Variants in CCDC80 observed in about 807,000 individuals in gnomAD.
CCDC80 encodes the protein coiled-coil domain-containing protein 80.
CCDC80 carries 49 observed loss-of-function variants against 78.7 expected under a neutral mutation model. The observed-to-expected ratio is 0.62, with a 90% confidence interval of 0.50 to 0.79. The LOEUF (loss-of-function observed/expected upper bound fraction) is 0.79. Ranked by LOEUF, CCDC80 falls within the 30% of genes least tolerant of loss-of-function variation. CCDC80 has a pLI of 0.00. For synonymous variants in CCDC80, 488 were observed against 447.0 expected (o/e 1.09, Z -1.16); for missense variants, 1,205 against 1,198.6 (o/e 1.01, Z -0.08).
chr3:112,616,886 A>C (rs763767083), intron 4 of CCDC80, 28 bp from the exon 5 acceptor site: 1 of 1,606,146 alleles, frequency 6.2e-7, no homozygotes, highest in South Asian at 1.1e-5. Flanking sequence ...GAATGCATTT[A>C]ATGTACAAGT....
Position 112,639,011 on chromosome 3 carries a change from C to A in CCDC80, c.895G>T (p.Gly299Trp). 25 of 1,611,284 alleles carry A rather than the reference C, an allele frequency of 1.6e-5. No homozygotes were observed. Among genetic ancestry groups the A allele is most frequent in the Non-Finnish European group, 2.0e-5 (24 of 1,179,992 alleles). Residue 299 changes from glycine to tryptophan, a missense_variant, in exon 2 of 8, where the codon GGG (glycine) becomes TGG (tryptophan). Coordinates refer to ENST00000206423, the MANE Select transcript of CCDC80 (RefSeq NM_199511.3). ...QVVAEGNDGG[G>W]GAGRPSLGSE... ...CCCAGGCTTGGCCTTCCTGCTCCCC[C>A]TCCACCGTCATTCCCCTCCGCCACC... is the stretch of plus-strand genomic sequence containing the variant.
rs1935780902 is a variant in CCDC80, at chr3:112,617,720, T to C, written c.2173-862A>G. Among the ~76,000 whole-genome samples, 5 of 152,268 alleles carry C rather than the reference T, an allele frequency of 3.3e-5. 1 individual carries two copies. The South Asian group carries it at 1.0e-3, about 31-fold the overall frequency. ...AGACAGCCTTTTTTTCCCGTGAAGA[T>C]TCTCACACAAGCATGGTATATGAAT... On this transcript the variant is annotated intron_variant, in intron 4 of 7. Coordinates refer to ENST00000206423, the MANE Select transcript of CCDC80 (RefSeq NM_199511.3).
intron 3 of CCDC80, among the ~76,000 whole-genome samples, chr3:112,622,822 A>ATTT (rs373170477): frequency 0.025 from 2,924 of 118,424 alleles, 113 homozygotes; most frequent in African/African-American, 0.087. Flanking sequence ...TGCCCAGCTA[A>ATTT]TTTTTTTTTT....
In CCDC80 at chr3:112,604,748, T is replaced by G. The variant is rs563579341; in HGVS notation, c.*669A>C. ...TATCGCCTTTGGCTGCAGTGCCAGA[T>G]TCTGGTGAGGATTTCCTGGACCCCG... On this transcript the variant is annotated 3_prime_UTR_variant, in exon 8 of 8. Coordinates refer to ENST00000206423, the MANE Select transcript of CCDC80 (RefSeq NM_199511.3). 2.6e-5 allele frequency: 4 copies of G among 152,328 alleles called. No homozygotes were observed. Among genetic ancestry groups the G allele is most frequent in the Admixed American group, 6.5e-5 (1 of 15,300 alleles). The allele number at this position is 152,328 out of a possible 1,614,324, so 9.4% of individuals were successfully genotyped here. A position where few individuals can be genotyped will look rare whatever the true frequency, so the allele number is the denominator to read the frequency against.
chr3:112,638,241 C>A lies in CCDC80; in HGVS notation c.1665G>T (p.Lys555Asn). 1 of 1,613,606 alleles carries A rather than the reference C, an allele frequency of 6.2e-7. No individual in the cohort carries two copies. The highest frequency in any genetic ancestry group is 8.5e-7 in the Non-Finnish European group (1 of 1,179,638). ...KPEKEKKKKM[K>N]NENADKLLKS... is the part of the protein sequence containing the mutation. ...TAAGTAACTTGTCTGCGTTCTCATT[C>A]TTCATCTTTTTTTTCTTCTCCTTCT... The change falls in exon 2 of 8, where the codon AAG becomes AAT. Residue 555 changes from lysine (K) to asparagine (N), a missense_variant. By Grantham distance (94) the Lys-to-Asn change is moderately conservative (BLOSUM62 0). Coordinates refer to ENST00000206423, the MANE Select transcript of CCDC80 (RefSeq NM_199511.3).
intron 5 of CCDC80, among the ~76,000 whole-genome samples, chr3:112,614,883 T>C (rs1030333625): frequency 2.0e-5 from 3 of 152,238 alleles, no homozygotes; most frequent in Admixed American, 1.3e-4. Context: ...TTAATCTCCA[T>C]TGGCTTCAGT....
rs745336442 is a variant in CCDC80, at chr3:112,637,988, C to T, written c.1878+40G>A. 8 of 1,557,392 alleles carry T rather than the reference C, an allele frequency of 5.1e-6. No individual in the cohort carries two copies. The African/African-American group carries it at 8.3e-5, about 16-fold the overall frequency. ...ACAAGACAGACGTTAACATGCCCTG[C>T]CTCAGCCCATAGAAGAATGCCAAGG... On this transcript the variant is annotated intron_variant, in intron 2 of 7. Transcript: ENST00000206423.
chr3:112,627,025 T>A (rs7349537), intron 3 of CCDC80, among the ~76,000 whole-genome samples: 62,065 of 152,058 alleles, frequency 0.41, 15,141 homozygotes, highest in Non-Finnish European at 0.54. Flanking sequence ...CTATTAAATG[T>A]CCTGTGTATT....
At chr3:112,621,349 A>C (rs1448008790) in intron 3 of CCDC80, among the ~76,000 whole-genome samples, 2 of 152,140 alleles carry the variant, frequency 1.3e-5, no homozygotes, top group Non-Finnish European at 2.9e-5. Flanking sequence ...CCCTGTTCTC[A>C]TTCTAACCAA....
In CCDC80 at chr3:112,639,645, G is replaced by T. The variant is rs751631037; in HGVS notation, c.261C>A (p.Arg87=). The change falls in exon 2 of 8, where the codon CGC becomes CGA. Residue 87 remains arginine, a synonymous_variant. Transcript: ENST00000206423. ...CCGAGCGGGCTGGCGGCTCTGTTGG[G>T]CGAGCTAGTCTCAACACGGGCACAC... The part of the protein sequence containing the change: ...RRSVPVLRLA[R]PTEPPARSDI... The T allele has an allele frequency of 1.2e-5, 20 of 1,614,162 alleles. No homozygotes were observed. The highest frequency in any genetic ancestry group is 1.7e-6 in the Non-Finnish European group (2 of 1,180,028).
rs1199854677 is a variant in CCDC80 at position 112,604,141 on chromosome 3, T to C, written c.*1276A>G. ...CTCGCGTAAGTTGCTATGTACATTA[T>C]TGAAATGACAACAAAGGATTTACAA... is the stretch of plus-strand genomic sequence containing the variant. On this transcript the variant is annotated 3_prime_UTR_variant, in exon 8 of 8. Transcript: ENST00000206423. 2 of 152,246 alleles carry C rather than the reference T, an allele frequency of 1.3e-5. No homozygotes were observed. The highest frequency in any genetic ancestry group is 2.9e-5 in the Non-Finnish European group (2 of 68,056). The allele number at this position is 152,246 out of a possible 1,614,324, so 9.4% of individuals were successfully genotyped here.
rs546528601 is a variant in CCDC80, at chr3:112,606,460, C to G, written c.2507-697G>C. 1.4e-3 allele frequency among the ~76,000 whole-genome samples: 207 copies of G among 151,958 alleles called. 1 individual carries two copies. Among genetic ancestry groups the G allele is most frequent in the African/African-American group, 4.7e-3 (194 of 41,356 alleles). On this transcript the variant is annotated intron_variant, in intron 7 of 7. Transcript: ENST00000206423. ...TTTGTTTTTGAGATGGAGTCTTGCTCTGTCACCCAGGCTGGAGTGCAGTGG... is the reference window on the plus strand; with the variant it reads ...TTTGTTTTTGAGATGGAGTCTTGCTGTGTCACCCAGGCTGGAGTGCAGTGG...
chr3:112,609,068 G>C (rs1434632241), intron 6 of CCDC80, among the ~76,000 whole-genome samples: 1 of 152,032 alleles, frequency 6.6e-6, no homozygotes, highest in Non-Finnish European at 1.5e-5. Context: ...TTTTTAATTT[G>C]TTGCCCTTAG....
rs1935333475 is a variant in CCDC80 at position 112,599,162 on chromosome 3, C to A, written c.*6255G>T. ...ATAGGTAAAACATCTCACCTCCAGT[C>A]ACACAGGTAAGTACATGGCAGGGCA... On this transcript the variant is annotated 3_prime_UTR_variant, in exon 8 of 8. Transcript: ENST00000206423. The A allele has an allele frequency of 6.6e-6, 1 of 152,172 alleles. No homozygotes were observed. The highest frequency in any genetic ancestry group is 6.5e-5 in the Admixed American group (1 of 15,286). The allele number at this position is 152,172 out of a possible 1,614,324, so 9.4% of individuals were successfully genotyped here.
chr3:112,605,674 T>C lies in CCDC80; in HGVS notation c.2596A>G (p.Met866Val), dbSNP rs1935471329. Residue 866 changes from methionine (M) to valine (V), a missense_variant, in exon 8 of 8, where the codon ATG (methionine) becomes GTG (valine). Coordinates refer to ENST00000206423, the MANE Select transcript of CCDC80 (RefSeq NM_199511.3). ...TTTCCGTCTTTTCCGACTAGAAGCA[T>C]GGAGAAGTACTCCGGGCTCACTTGA... ...YFQVSPEYFS[M>V]LLVGKDGNVK... The C allele has an allele frequency of 1.2e-6, 2 of 1,614,118 alleles. No homozygotes were observed. The highest frequency in any genetic ancestry group is 3.3e-5 in the Admixed American group (2 of 60,002).
At chr3:112,624,161 C>T (rs540439227) in intron 3 of CCDC80, among the ~76,000 whole-genome samples, 90 of 152,278 alleles carry the variant, frequency 5.9e-4, no homozygotes, top group African/African-American at 1.9e-3. Context: ...ATAAAACCTT[C>T]ACACTTTCCT....
rs1935385641 is a variant in CCDC80 at position 112,602,153 on chromosome 3, C to G, written c.*3264G>C. On this transcript the variant is annotated 3_prime_UTR_variant, in exon 8 of 8. Transcript: ENST00000206423. ...TATCTCTGTTATTAAAATCTGTAGTCAACGATCTTTGATGTTGCTATTATA... is the reference window on the plus strand; with the variant it reads ...TATCTCTGTTATTAAAATCTGTAGTGAACGATCTTTGATGTTGCTATTATA... 6.6e-6 allele frequency: 1 copy of G among 152,124 alleles called. No individual in the cohort carries two copies. Among genetic ancestry groups the G allele is most frequent in the Admixed American group, 6.5e-5 (1 of 15,270 alleles). 9.4% of individuals were successfully genotyped at this position (152,124 alleles called of 1,614,324 possible).
At chr3:112,622,227 G>T (rs942643897) in intron 3 of CCDC80, among the ~76,000 whole-genome samples, 1 of 152,168 alleles carries the variant, frequency 6.6e-6, no homozygotes, top group African/African-American at 2.4e-5. Flanking sequence ...TTCAAAGCCG[G>T]TTTTCTTTCA....
chr3:112,627,454 T>C (rs370283535), intron 3 of CCDC80, among the ~76,000 whole-genome samples: 13 of 152,364 alleles, frequency 8.5e-5, no homozygotes, highest in African/African-American at 3.1e-4. Context: ...CAAATACTTT[T>C]AGCAAGATGG....
Sources: allele counts gnomAD v4.1 joint callset (sites outside exome capture counted in the v4.1 genomes callset), GRCh38; gene constraint gnomAD v4.1.1; transcripts MANE v1.5; gene names NCBI Gene and HGNC (gene_info 2026-07-23, HGNC 2026-07-21).